The following DNAJC27 variants were observed in gnomAD, a reference collection of about 807,000 sequenced individuals.
The protein encoded by DNAJC27 is DnaJ heat shock protein family (Hsp40) member C27.
In DNAJC27, 25 loss-of-function variants were observed where a neutral mutation model predicts 31.4. That is an observed-to-expected ratio of 0.80 (90% CI 0.58 to 1.11). DNAJC27 has a LOEUF of 1.11. Among genes scored for constraint, DNAJC27 ranks in the 50% most tolerant of loss-of-function variants. DNAJC27 has a pLI of 0.00. For synonymous variants in DNAJC27, 106 were observed against 112.7 expected (o/e 0.94, Z 0.37); for missense variants, 356 against 347.3 (o/e 1.02, Z -0.20).
rs947972211 is a variant in DNAJC27 at position 24,944,164 on chromosome 2, A to G, written c.*3452T>C. The G allele has an allele frequency of 1.3e-5, 2 of 152,176 alleles. No homozygotes were observed. The highest frequency in any genetic ancestry group is 4.8e-5 in the African/African-American group (2 of 41,436). The allele number at this position is 152,176 out of a possible 1,614,324, so 9.4% of individuals were successfully genotyped here. A position where few individuals can be genotyped will look rare whatever the true frequency, so the allele number is the denominator to read the frequency against. On this transcript the variant is annotated 3_prime_UTR_variant, in exon 7 of 7. Coordinates refer to ENST00000264711, the MANE Select transcript of DNAJC27 (RefSeq NM_016544.3). ...AAAAGTTTTACAAAACCTTTGATTCAGAGTAAGCTTGATGGGGTACAGTGG... is the reference window on the plus strand; with the variant it reads ...AAAAGTTTTACAAAACCTTTGATTCGGAGTAAGCTTGATGGGGTACAGTGG...
intron 1 of DNAJC27, 144 bp from the exon 2 acceptor site, chr2:24,967,437 A>C: frequency 7.7e-6 from 5 of 648,648 alleles, no homozygotes; most frequent in Non-Finnish European, 1.3e-5. Flanking sequence ...GCGGTGGCTC[A>C]CGCCTGTCAT....
intron 2 of DNAJC27, among the ~76,000 whole-genome samples, chr2:24,966,886 T>A (rs1054794922): frequency 6.6e-6 from 1 of 152,220 alleles, no homozygotes; most frequent in African/African-American, 2.4e-5. Flanking sequence ...AAAACACACC[T>A]GCTGGAAGGA....
Position 24,945,593 on chromosome 2 carries a change from T to G in DNAJC27, c.*2023A>C, listed in dbSNP as rs777431285. 2.6e-5 allele frequency: 4 copies of G among 152,234 alleles called. No homozygotes were observed. Among genetic ancestry groups the G allele is most frequent in the Non-Finnish European group, 4.4e-5 (3 of 68,044 alleles). 9.4% of individuals were successfully genotyped at this position (152,234 alleles called of 1,614,324 possible). On this transcript the variant is annotated 3_prime_UTR_variant, in exon 7 of 7. Coordinates refer to ENST00000264711, the MANE Select transcript of DNAJC27 (RefSeq NM_016544.3). ...TGCTGTGAGGACAGACATGTCTGAG[T>G]GCTTTCAGCATGATAAAGGCCTTCC...
At chr2:24,952,331 C>A (rs1285723256) in intron 5 of DNAJC27, among the ~76,000 whole-genome samples, 1 of 152,126 alleles carries the variant, frequency 6.6e-6, no homozygotes, top group Non-Finnish European at 1.5e-5. Flanking sequence ...TCAACATGTA[C>A]TAAAGGAGAT....
At position 24,947,787 on chromosome 2, in the gene DNAJC27, C is replaced by T. The variant is rs374812991; in HGVS notation, c.690-39G>A. 39 of 1,589,022 alleles carry T rather than the reference C, an allele frequency of 2.5e-5. 1 individual carries two copies. The African/African-American group carries it at 4.0e-4, about 16-fold the overall frequency. On this transcript the variant is annotated intron_variant, in intron 6 of 6. Coordinates refer to ENST00000264711, the MANE Select transcript of DNAJC27 (RefSeq NM_016544.3). The stretch of plus-strand genomic sequence containing the variant: ...CCAAGATCTATGTTAGTAACAGAGT[C>T]AGCCCAACCCACTGCATGTTAGCTG...
At chr2:24,968,041 G>A (rs1166380467) in intron 1 of DNAJC27, among the ~76,000 whole-genome samples, 1 of 151,362 alleles carries the variant, frequency 6.6e-6, no homozygotes, top group East Asian at 1.9e-4. Context: ...GGCAGAGGGA[G>A]ACCCTGTCTC....
chr2:24,947,654 C>T lies in DNAJC27; in HGVS notation c.784G>A (p.Val262Met). 3 of 1,612,092 alleles carry T rather than the reference C, an allele frequency of 1.9e-6. No individual in the cohort carries two copies. Among genetic ancestry groups the T allele is most frequent in the Non-Finnish European group, 2.5e-6 (3 of 1,178,356 alleles). Reference sequence around the variant, plus strand: ...TTCAGGAGGGCTGTCCGAGCATTCACAACTGCTTTGAAGGCATCTTCACTG... The same window carrying T: ...TTCAGGAGGGCTGTCCGAGCATTCATAACTGCTTTGAAGGCATCTTCACTG... ...PGSEDAFKAVVNARTALLKNI... is the reference protein window; with the variant it reads ...PGSEDAFKAVMNARTALLKNI... Residue 262 changes from valine (V) to methionine (M), a missense_variant, in exon 7 of 7, where the codon GTG (valine) becomes ATG (methionine). By Grantham distance (21) the Val-to-Met change is conservative. Transcript: ENST00000264711.
intron 1 of DNAJC27, chr2:24,971,597 A>G: frequency 2.1e-6 from 1 of 472,258 alleles, no homozygotes; most frequent in Non-Finnish European, 3.8e-6. Context: ...CACCCCAGAC[A>G]CCATCTCCGG....
At chr2:24,949,860 G>C (rs990265383) in intron 6 of DNAJC27, among the ~76,000 whole-genome samples, 1 of 151,572 alleles carries the variant, frequency 6.6e-6, no homozygotes, top group Admixed American at 6.6e-5. Context: ...TTCAGAAAGA[G>C]ACTATGAAGG....
At position 24,945,353 on chromosome 2, in the gene DNAJC27, C is replaced by CTG. The variant is rs1047959734; in HGVS notation, c.*2262_*2263insCA. The stretch of plus-strand genomic sequence containing the variant: ...AAGCTCAGGCTAAATTTCACCAACT[C>CTG]ACACATAAGGATATGAGTGGGAGCA... On this transcript the variant is annotated 3_prime_UTR_variant, in exon 7 of 7. Coordinates refer to ENST00000264711, the MANE Select transcript of DNAJC27 (RefSeq NM_016544.3). 1.3e-5 allele frequency: 2 copies of CTG among 152,196 alleles called. No homozygotes were observed. The highest frequency in any genetic ancestry group is 1.5e-5 in the Non-Finnish European group (1 of 68,040). 9.4% of individuals were successfully genotyped at this position (152,196 alleles called of 1,614,324 possible). A position where few individuals can be genotyped will look rare whatever the true frequency, so the allele number is the denominator to read the frequency against.
Position 24,959,726 on chromosome 2 carries a change from G to A in DNAJC27, c.241-1752C>T, listed in dbSNP as rs538033250. Among the ~76,000 whole-genome samples the A allele has an allele frequency of 2.6e-5, 4 of 152,300 alleles. No individual in the cohort carries two copies. In the East Asian group the frequency reaches 7.7e-4, roughly 29 times the overall value. On this transcript the variant is annotated intron_variant, in intron 3 of 6. Coordinates refer to ENST00000264711, the MANE Select transcript of DNAJC27 (RefSeq NM_016544.3). ...TAATTGTTCAAGCCCTGGCTATAAT[G>A]CTGTATCTTTCATGCAGCTTTCTCT...
At chr2:24,964,444 T>G (rs72805430) in intron 2 of DNAJC27, among the ~76,000 whole-genome samples, 2,169 of 143,308 alleles carry the variant, frequency 0.015, 19 homozygotes, top group Non-Finnish European at 0.025. Flanking sequence ...AAAAGAAAAA[T>G]AAATAATTCA....
In DNAJC27 at chr2:24,957,107, CT is replaced by C; in HGVS notation, c.463del (p.Ser155AlafsTer28). On this transcript the variant is annotated frameshift_variant, in exon 5 of 7. Coordinates refer to ENST00000264711, the MANE Select transcript of DNAJC27 (RefSeq NM_016544.3). LOFTEE classifies it high-confidence loss of function. ...DESEGRLWAE[S>X]KGFLYFETSA... ...AGTTTCAAAGTACAGGAACCCTTTG[CT>C]TTCAGCCCAAAGACGTCCTTCACTT... The C allele has an allele frequency of 1.2e-6, 2 of 1,610,332 alleles. No individual in the cohort carries two copies. Among genetic ancestry groups the C allele is most frequent in the Non-Finnish European group, 1.7e-6 (2 of 1,178,892 alleles).
At chr2:24,969,752 T>C (rs1415764172) in intron 1 of DNAJC27, among the ~76,000 whole-genome samples, 1 of 152,236 alleles carries the variant, frequency 6.6e-6, no homozygotes, top group African/African-American at 2.4e-5. Context: ...GTGCTAGAAT[T>C]ACAGGCGTGA....
chr2:24,948,462 C>T (rs114020433), intron 6 of DNAJC27, among the ~76,000 whole-genome samples: 65 of 152,126 alleles, frequency 4.3e-4, no homozygotes, highest in African/African-American at 1.4e-3. Flanking sequence ...GTCAAGGTCA[C>T]GAGGAATCTG....
At chr2:24,969,103 T>C (rs1666261147) in intron 1 of DNAJC27, 1 of 181,080 alleles carries the variant, frequency 5.5e-6, no homozygotes, top group Non-Finnish European at 1.2e-5. Flanking sequence ...AACTACTTCT[T>C]AATTAAATGG....
intron 5 of DNAJC27, among the ~76,000 whole-genome samples, chr2:24,956,022 T>C (rs996548883): frequency 1.3e-5 from 2 of 152,180 alleles, no homozygotes; most frequent in South Asian, 2.1e-4. Context: ...CTCAAAAGAA[T>C]AGAAAGCATG....
Position 24,963,565 on chromosome 2 carries a change from A to T in DNAJC27, c.171-91T>A, listed in dbSNP as rs144719716. ...TTATAAATTTCAAAAGGATATGTGT[A>T]TGCAATTTAAGAAGCTTTCTTAGTG... On this transcript the variant is annotated intron_variant, in intron 2 of 6. Transcript: ENST00000264711. 1.1e-4 allele frequency: 112 copies of T among 1,048,626 alleles called. 1 individual carries two copies. In the East Asian group the frequency reaches 2.8e-3, roughly 26 times the overall value. The allele number at this position is 1,048,626 out of a possible 1,614,324, so 65.0% of individuals were successfully genotyped here.
At chr2:24,947,895 A>G in intron 6 of DNAJC27, 147 bp from the exon 7 acceptor site, 1 of 860,402 alleles carries the variant, frequency 1.2e-6, no homozygotes, top group Non-Finnish European at 1.7e-6. Flanking sequence ...GGACTAGAAA[A>G]CAGACAACCA....
Sources: gnomAD v4.1 joint callset for allele counts (sites outside exome capture counted in the v4.1 genomes callset) on GRCh38, gnomAD v4.1.1 for gene constraint, MANE v1.5 for transcripts, NCBI Gene and HGNC (gene_info 2026-07-23, HGNC 2026-07-21) for gene names.